The following NEB variants were observed in gnomAD, a reference collection of about 807,000 sequenced individuals.
NEB encodes nemaline myopathy type 2.
Under a neutral mutation model 952.2 loss-of-function variants are expected in NEB, and 512 were observed. That is an observed-to-expected ratio of 0.54 (90% CI 0.50 to 0.58). The LOEUF (loss-of-function observed/expected upper bound fraction) is 0.58, where lower values mean the gene tolerates loss of function less well. NEB is among the 20% of genes least tolerant of loss of function. The pLI is 0.00. For synonymous variants in NEB, 2,900 were observed against 3,149.8 expected (o/e 0.92, Z 2.66); for missense variants, 8,428 against 9,231.1 (o/e 0.91, Z 3.56).
rs1346466459 is a variant in NEB, at chr2:151,691,788, A to G, written c.2211+76T>C. 14 of 1,109,950 alleles carry G rather than the reference A, an allele frequency of 1.3e-5. No individual in the cohort carries two copies. The Admixed American group carries it at 2.6e-4, about 20-fold the overall frequency. 68.8% of individuals were successfully genotyped at this position (1,109,950 alleles called of 1,614,324 possible). A position where few individuals can be genotyped will look rare whatever the true frequency, so the allele number is the denominator to read the frequency against. ...TCTAATCACTAGATATTAGCATGTAAACTCCTGCTAAATTTACCACTAGAT... is the reference window on the plus strand; with the variant it reads ...TCTAATCACTAGATATTAGCATGTAGACTCCTGCTAAATTTACCACTAGAT... On this transcript the variant is annotated intron_variant, in intron 23 of 181. Coordinates refer to ENST00000397345, the MANE Select transcript of NEB (RefSeq NM_001164508.2).
chr2:151,636,287 GTCATAGCC>G lies in NEB; in HGVS notation c.9034_9041del (p.Gly3012LeufsTer20). The G allele has an allele frequency of 5.0e-6, 8 of 1,609,728 alleles. No individual in the cohort carries two copies. The highest frequency in any genetic ancestry group is 6.8e-6 in the Non-Finnish European group (8 of 1,179,740). Reference sequence around the variant, plus strand: ...CGATGGGGATGGCGTCGCTTCGCAAGTCATAGCCTTTCTTCTTTGCTTCTTCATTAGCA... The same window carrying G: ...CGATGGGGATGGCGTCGCTTCGCAAGTTTCTTCTTTGCTTCTTCATTAGCA... On this transcript the variant is annotated frameshift_variant, in exon 64 of 182. Transcript: ENST00000397345. LOFTEE classifies it high-confidence loss of function.
chr2:151,697,889 AC>A (rs1436503172), intron 13 of NEB, among the ~76,000 whole-genome samples: 2 of 152,202 alleles, frequency 1.3e-5, no homozygotes, highest in Non-Finnish European at 2.9e-5. Context: ...ACAAAGTGAA[AC>A]CCTCTCTCTA....
chr2:151,531,714 G>C lies in NEB; in HGVS notation c.21522+78C>G, dbSNP rs60806638. ...AAATGGCAGTAGTCTCCCAGACTTT[G>C]TGACAATTTAAAATGCCCCTCCATG... On this transcript the variant is annotated intron_variant, in intron 144 of 181. Coordinates refer to ENST00000397345, the MANE Select transcript of NEB (RefSeq NM_001164508.2). 0.6 allele frequency: 675,218 copies of C among 1,120,898 alleles called. 207,313 individuals are homozygous for C. The highest frequency in any genetic ancestry group is 0.7 in the Admixed American group (35,572 of 50,678). 69.4% of individuals were successfully genotyped at this position (1,120,898 alleles called of 1,614,324 possible). A position where few individuals can be genotyped will look rare whatever the true frequency, so the allele number is the denominator to read the frequency against.
chr2:151,616,696 A>T (rs1230568999), intron 75 of NEB, among the ~76,000 whole-genome samples: 1 of 152,192 alleles, frequency 6.6e-6, no homozygotes, highest in East Asian at 1.9e-4. Context: ...TATGTCTCAA[A>T]CGTAACAAAA....
intron 164 of NEB, chr2:151,505,948 C>T (rs2068542303): frequency 3.4e-6 from 2 of 586,654 alleles, no homozygotes; most frequent in African/African-American, 1.9e-5. Flanking sequence ...TCACAAGCCT[C>T]TCTGTTTTTC....
At chr2:151,710,671 T>TA (rs909758449) in intron 10 of NEB, 133 bp from the exon 11 acceptor site, 50 of 531,388 alleles carry the variant, frequency 9.4e-5, no homozygotes, top group Middle Eastern at 5.5e-4. Context: ...TAAATGCCTT[T>TA]AAAAAAAATC....
At chr2:151,609,291 C>G (rs4664064) in intron 81 of NEB, among the ~76,000 whole-genome samples, 93,941 of 151,798 alleles carry the variant, frequency 0.62, 29,673 homozygotes, top group Admixed American at 0.72. Context: ...GATAAGTGCA[C>G]GAGATTGTAC....
At chr2:151,492,919 C>T (rs2152838770) in intron 176 of NEB, 1 of 180,144 alleles carries the variant, frequency 5.6e-6, no homozygotes, top group South Asian at 1.4e-4. Flanking sequence ...ATATAGAAAT[C>T]AAAGTCCTCC....
At chr2:151,713,854 T>A (rs2099752131) in intron 10 of NEB, among the ~76,000 whole-genome samples, 1 of 152,138 alleles carries the variant, frequency 6.6e-6, no homozygotes, top group African/African-American at 2.4e-5. Flanking sequence ...CTGACAGGTG[T>A]AGTAAGGAAG....
intron 71 of NEB, among the ~76,000 whole-genome samples, chr2:151,622,072 C>G (rs1206105230): frequency 1.3e-5 from 2 of 152,100 alleles, no homozygotes; most frequent in African/African-American, 4.8e-5. Flanking sequence ...TGCAGTGGCA[C>G]AATCTCGGCT....
chr2:151,692,789 G>C (rs1457117869), intron 20 of NEB, among the ~76,000 whole-genome samples: 1 of 152,250 alleles, frequency 6.6e-6, no homozygotes, highest in East Asian at 1.9e-4. Flanking sequence ...GGCCAATGTG[G>C]TAAAACCCCG....
intron 168 of NEB, among the ~76,000 whole-genome samples, chr2:151,500,389 G>T (rs2063492885): frequency 6.6e-6 from 1 of 151,236 alleles, no homozygotes; most frequent in African/African-American, 2.4e-5. Context: ...GTGAACCTAA[G>T]GTCTTGATAT....
In NEB at chr2:151,678,031, T is replaced by C. The variant is rs117048449; in HGVS notation, c.3412A>G (p.Asn1138Asp). The change falls in exon 33 of 182, where the codon AAC (asparagine) becomes GAC (aspartate). Residue 1138 changes from asparagine (N) to aspartate (D), a missense_variant. This residue lies in a region of NEB where 2,851 missense variants were observed against 2,791.5 expected (regional missense o/e 1.02). Transcript: ENST00000397345. ...KDYEKTKSKY[N>D]TPHDMFNVVA... Reference sequence around the variant, plus strand: ...ACATTGAACATATCATGGGGCGTGTTGTATTTGGACTTTGTCTTCTCATAG... The same window carrying C: ...ACATTGAACATATCATGGGGCGTGTCGTATTTGGACTTTGTCTTCTCATAG... 3.1e-3 allele frequency: 5,050 copies of C among 1,613,996 alleles called. 126 individuals carry two copies. The East Asian group carries it at 0.066, about 21-fold the overall frequency.
chr2:151,545,943 AC>A lies in NEB; in HGVS notation c.20521del (p.Val6841CysfsTer13), dbSNP rs2094609842. ...ARKMRDKYKV[V>X]LDTPEYRKVQ... ...TTTTCTGTATTCTGGAGTGTCAAGC[AC>A]CACTTTGTATTTGTCTCGCATCTTC... On this transcript the variant is annotated frameshift_variant, in exon 135 of 182. Coordinates refer to ENST00000397345, the MANE Select transcript of NEB (RefSeq NM_001164508.2). LOFTEE classifies it high-confidence loss of function. 1 of 1,610,836 alleles carries A rather than the reference AC, an allele frequency of 6.2e-7. No homozygotes were observed. Among genetic ancestry groups the A allele is most frequent in the Non-Finnish European group, 8.5e-7 (1 of 1,179,038 alleles).
Position 151,592,115 on chromosome 2 carries a change from C to A in NEB, c.14745G>T (p.Glu4915Asp). The change falls in exon 95 of 182, where the codon GAG becomes GAT. Residue 4915 changes from glutamate to aspartate, a missense_variant. Around this residue, in one of 11 missense-constraint regions of NEB, gnomAD observed 13 missense variants for 40.6 expected, o/e 0.32. Coordinates refer to ENST00000397345, the MANE Select transcript of NEB (RefSeq NM_001164508.2). ...GCACGTTCACATTAGCCTTCTCTTTCTCCCAGGCATTGCGATACAATGGCT... is the reference window on the plus strand; with the variant it reads ...GCACGTTCACATTAGCCTTCTCTTTATCCCAGGCATTGCGATACAATGGCT... ...ISEPLYRNAW[E>D]KEKANVNVPA... 6.5e-7 allele frequency: 1 copy of A among 1,549,624 alleles called. No individual in the cohort carries two copies. Among genetic ancestry groups the A allele is most frequent in the Non-Finnish European group, 8.7e-7 (1 of 1,146,812 alleles).
chr2:151,696,894 C>G (rs1270261159), intron 16 of NEB, among the ~76,000 whole-genome samples, 159 bp from the exon 17 acceptor site: 1 of 152,176 alleles, frequency 6.6e-6, no homozygotes, highest in East Asian at 1.9e-4. Context: ...GAGAGGTGCT[C>G]TTATATCTGT....
Position 151,723,440 on chromosome 2 carries a change from G to A in NEB, c.659C>T (p.Pro220Leu), listed in dbSNP as rs2150663299. Reference sequence around the variant, plus strand: ...CCTCAGTTCCGGGCTATCATTATAGGGGTAAAACAAACTTTTGTCTGCTTC... The same window carrying A: ...CCTCAGTTCCGGGCTATCATTATAGAGGTAAAACAAACTTTTGTCTGCTTC... ...DWEADKSLFY[P>L]YNDSPELRRV... The change falls in exon 9 of 182, where the codon CCC (proline) becomes CTC (leucine). Residue 220 changes from proline to leucine, a missense_variant. This residue lies in a region of NEB where 2,851 missense variants were observed against 2,791.5 expected (regional missense o/e 1.02). Transcript: ENST00000397345. 3.1e-6 allele frequency: 5 copies of A among 1,610,354 alleles called. No homozygotes were observed. The highest frequency in any genetic ancestry group is 4.2e-6 in the Non-Finnish European group (5 of 1,178,336).
chr2:151,641,030 T>C (rs59493296), intron 60 of NEB, among the ~76,000 whole-genome samples: 14,440 of 152,186 alleles, frequency 0.095, 921 homozygotes, highest in East Asian at 0.35. Flanking sequence ...GGGTTTTATA[T>C]GCTCAATGAT....
chr2:151,572,906 C>G (rs2096692862), intron 107 of NEB, among the ~76,000 whole-genome samples: 2 of 149,272 alleles, frequency 1.3e-5, no homozygotes, highest in South Asian at 2.1e-4. Flanking sequence ...GCCTGAGACC[C>G]AATGTTTTCA....
Sources: allele counts gnomAD v4.1 joint callset (sites outside exome capture counted in the v4.1 genomes callset), GRCh38; gene constraint gnomAD v4.1.1; regional missense constraint gnomAD v4.1.1; transcripts MANE v1.5; gene names NCBI Gene and HGNC (gene_info 2026-07-23, HGNC 2026-07-21).